Variants in AQP7B observed in about 807,000 individuals in gnomAD.
The protein encoded by AQP7B is aquaporin 7B.
At chr2:94,600,933 C>T in the AQP7B span, among the ~76,000 whole-genome samples, 1 of 151,488 alleles carries the variant, frequency 6.6e-6, no homozygotes, top group Admixed American at 6.6e-5. Flanking sequence ...ATAGTCCCAA[C>T]TACTTGAGAG....
the AQP7B span, chr2:94,588,689 C>A: frequency 3.1e-6 from 2 of 639,674 alleles, no homozygotes; most frequent in East Asian, 2.8e-5. Flanking sequence ...ACCCACTCAC[C>A]TCTGAGGTCC....
the AQP7B span, among the ~76,000 whole-genome samples, chr2:94,597,170 T>G: frequency 6.6e-6 from 1 of 152,172 alleles, no homozygotes; most frequent in Non-Finnish European, 1.5e-5. Context: ...CCTCCCCACC[T>G]GCTTTGGCTC....
At chr2:94,602,549 C>T in the AQP7B span, 121 of 1,604,110 alleles carry the variant, frequency 7.5e-5, 5 homozygotes, top group Admixed American at 1.8e-3. Context: ...TGGGAGCTAC[C>T]TTGGTGTCAA....
chr2:94,603,209 C>A, the AQP7B span: 1 of 1,454,524 alleles, frequency 6.9e-7, no homozygotes, highest in Admixed American at 2.0e-5. Flanking sequence ...CCTCTGGCCT[C>A]AGCCGCCTCC....
the AQP7B span, among the ~76,000 whole-genome samples, chr2:94,591,275 G>T: frequency 6.6e-6 from 1 of 152,066 alleles, no homozygotes; most frequent in Admixed American, 6.6e-5. Context: ...GTCCAGAAAG[G>T]GCCTCCTTGT....
the AQP7B span, among the ~76,000 whole-genome samples, chr2:94,597,643 C>T: frequency 7.2e-6 from 1 of 138,318 alleles, no homozygotes; most frequent in East Asian, 2.3e-4. Context: ...TTTTGAGATA[C>T]AGTCTTCCTT....
At chr2:94,602,018 A>AGTGTGTGTGTGTGTGTGT in the AQP7B span, among the ~76,000 whole-genome samples, 11 of 139,846 alleles carry the variant, frequency 7.9e-5, no homozygotes, top group African/African-American at 2.6e-4. Context: ...ATTGCGGCGG[A>AGTGTGTGTGTGTGTGTGT]GTGTGTGTGT....
At chr2:94,603,850 G>A in the AQP7B span, 3 of 1,442,976 alleles carry the variant, frequency 2.1e-6, no homozygotes, top group Non-Finnish European at 2.9e-6. Flanking sequence ...CATAAACACA[G>A]GATATGCCAT....
chr2:94,602,025 G>A, the AQP7B span, among the ~76,000 whole-genome samples: 1 of 148,626 alleles, frequency 6.7e-6, no homozygotes, highest in East Asian at 2.0e-4. Context: ...CGGAGTGTGT[G>A]TGTGTGTGTG....
At chr2:94,592,410 C>T in the AQP7B span, among the ~76,000 whole-genome samples, 82 of 152,284 alleles carry the variant, frequency 5.4e-4, no homozygotes, top group African/African-American at 1.9e-3. Flanking sequence ...CCCAGAGAAA[C>T]AAAACCAGGG....
At chr2:94,594,794 A>G in the AQP7B span, 16 of 1,575,466 alleles carry the variant, frequency 1.0e-5, no homozygotes, top group African/African-American at 1.3e-5. Context: ...GCAAAGATCC[A>G]GGAAATATGG....
At chr2:94,602,607 G>T in the AQP7B span, 1 of 1,594,274 alleles carries the variant, frequency 6.3e-7, no homozygotes, top group Non-Finnish European at 8.6e-7. Flanking sequence ...GTGGCAGGCC[G>T]CATCTCTGGT....
chr2:94,601,315 T>C, the AQP7B span, among the ~76,000 whole-genome samples: 3 of 152,112 alleles, frequency 2.0e-5, no homozygotes, highest in South Asian at 2.1e-4. Context: ...ATGGGGAACA[T>C]AGAGTGAGGA....
the AQP7B span, among the ~76,000 whole-genome samples, chr2:94,599,313 C>G: frequency 1.3e-5 from 2 of 152,118 alleles, no homozygotes; most frequent in Admixed American, 1.3e-4. Context: ...GCCAGCCCAG[C>G]TCTGGGCTCC....
At chr2:94,594,638 C>A in the AQP7B span, 7 of 733,058 alleles carry the variant, frequency 9.5e-6, no homozygotes, top group Admixed American at 2.3e-5. Context: ...GCGTGTGTGG[C>A]GAGGCTGCTG....
At chr2:94,596,255 A>G in the AQP7B span, among the ~76,000 whole-genome samples, 1 of 152,254 alleles carries the variant, frequency 6.6e-6, no homozygotes, top group African/African-American at 2.4e-5. Flanking sequence ...GACTGCAGGC[A>G]GGATGTGAGG....
the AQP7B span, among the ~76,000 whole-genome samples, chr2:94,594,555 G>A: frequency 1.3e-5 from 2 of 152,210 alleles, no homozygotes; most frequent in Non-Finnish European, 2.9e-5. Flanking sequence ...ATCTACCCCA[G>A]TTCCTCTCCA....
chr2:94,601,512 A>G, the AQP7B span, among the ~76,000 whole-genome samples: 1 of 152,190 alleles, frequency 6.6e-6, no homozygotes, highest in Non-Finnish European at 1.5e-5. Flanking sequence ...ACCTTTGGAA[A>G]ATCAGGAGGT....
At chr2:94,595,161 G>A in the AQP7B span, among the ~76,000 whole-genome samples, 4 of 152,312 alleles carry the variant, frequency 2.6e-5, no homozygotes, top group African/African-American at 9.6e-5. Flanking sequence ...AGGCCCAGGT[G>A]CAATGGCTCA....
Sources: gnomAD v4.1 joint callset for allele counts (sites outside exome capture counted in the v4.1 genomes callset) on GRCh38, gnomAD v4.1.1 for gene constraint, MANE v1.5 for transcripts, NCBI Gene and HGNC (gene_info 2026-07-23, HGNC 2026-07-21) for gene names.